NKAIN2: variants seen among roughly 807,000 people sequenced by gnomAD.
NKAIN2 encodes the protein sodium/potassium transporting ATPase interacting 2, also known as sodium/potassium-transporting ATPase subunit beta-1-interacting protein 2.
NKAIN2 carries 14 observed loss-of-function variants against 32.6 expected under a neutral mutation model. That is an observed-to-expected ratio of 0.43 (90% CI 0.28 to 0.67). NKAIN2 has a LOEUF of 0.67. Among genes scored for constraint, NKAIN2 ranks in the 30% least tolerant of loss-of-function variants. NKAIN2 has a pLI of 0.17. For missense variants in NKAIN2, 198 were observed against 258.3 expected, an observed-to-expected ratio of 0.77 and a Z score of 1.60; for synonymous variants, 80 against 87.2, an observed-to-expected ratio of 0.92 and a Z score of 0.46.
intron 1 of NKAIN2, among the ~76,000 whole-genome samples, chr6:124,281,262 A>G (rs1158062332): frequency 2.6e-5 from 4 of 152,206 alleles, no homozygotes; most frequent in African/African-American, 7.2e-5. Flanking sequence ...AGAGGGTTCT[A>G]TGTTGAAATG....
intron 1 of NKAIN2, among the ~76,000 whole-genome samples, chr6:124,204,443 T>C (rs577721128): frequency 1.6e-3 from 241 of 151,752 alleles, no homozygotes; most frequent in African/African-American, 5.5e-3. Context: ...GACAAAAAAA[T>C]ATGAAAAAAT....
chr6:124,035,409 C>A (rs1330347148), intron 1 of NKAIN2, among the ~76,000 whole-genome samples: 1 of 152,068 alleles, frequency 6.6e-6, no homozygotes, highest in African/African-American at 2.4e-5. Context: ...AATTAAACTT[C>A]TAAAATAAAA....
At chr6:124,233,703 G>T (rs759935829) in intron 1 of NKAIN2, among the ~76,000 whole-genome samples, 3 of 152,092 alleles carry the variant, frequency 2.0e-5, no homozygotes, top group Non-Finnish European at 4.4e-5. Context: ...TGTAATATGT[G>T]ACTCATTTTT....
At chr6:124,498,676 C>A (rs1237839816) in intron 3 of NKAIN2, among the ~76,000 whole-genome samples, 1 of 152,038 alleles carries the variant, frequency 6.6e-6, no homozygotes, top group Non-Finnish European at 1.5e-5. Flanking sequence ...AATGTGTCTT[C>A]TTGGTGAAAG....
chr6:124,023,699 A>G (rs564518317), intron 1 of NKAIN2, among the ~76,000 whole-genome samples: 1 of 152,254 alleles, frequency 6.6e-6, no homozygotes, highest in South Asian at 2.1e-4. Flanking sequence ...TTTTCTCGTT[A>G]CCTGTGCTAA....
intron 3 of NKAIN2, among the ~76,000 whole-genome samples, chr6:124,436,875 T>C (rs1775469183): frequency 6.6e-6 from 1 of 152,168 alleles, no homozygotes; most frequent in Non-Finnish European, 1.5e-5. Flanking sequence ...AGTAAAAGTC[T>C]GCAATGACTA....
chr6:124,194,370 C>G (rs1249065318), intron 1 of NKAIN2, among the ~76,000 whole-genome samples: 1 of 152,026 alleles, frequency 6.6e-6, no homozygotes, highest in Non-Finnish European at 1.5e-5. Context: ...ATCTTCCTTT[C>G]AACATATCTG....
chr6:124,017,361 G>A (rs909731170), intron 1 of NKAIN2, among the ~76,000 whole-genome samples: 1 of 152,016 alleles, frequency 6.6e-6, no homozygotes, highest in African/African-American at 2.4e-5. Context: ...TTCCTCTTGT[G>A]GCCCCACCCA....
intron 1 of NKAIN2, among the ~76,000 whole-genome samples, chr6:124,266,757 A>G (rs375717804): frequency 1.1e-4 from 17 of 152,242 alleles, no homozygotes; most frequent in African/African-American, 3.4e-4. Context: ...ACAAGAGAGT[A>G]TGGGCTTCAG....
chr6:124,716,979 T>G (rs2114621285), intron 4 of NKAIN2, among the ~76,000 whole-genome samples: 1 of 152,196 alleles, frequency 6.6e-6, no homozygotes, highest in East Asian at 1.9e-4. Flanking sequence ...GTCGAAAGAG[T>G]CAATGAATGA....
At chr6:124,538,659 C>T (rs1374156718) in intron 3 of NKAIN2, among the ~76,000 whole-genome samples, 1 of 152,120 alleles carries the variant, frequency 6.6e-6, no homozygotes, top group African/African-American at 2.4e-5. Context: ...TGAGAACTCA[C>T]TGTTTTATCT....
At chr6:124,552,432 A>G (rs1780323133) in intron 3 of NKAIN2, among the ~76,000 whole-genome samples, 1 of 152,214 alleles carries the variant, frequency 6.6e-6, no homozygotes, top group African/African-American at 2.4e-5. Context: ...CATATCCTTT[A>G]TAATCCAGTA....
At chr6:124,369,021 G>A (rs1249529696) in intron 3 of NKAIN2, among the ~76,000 whole-genome samples, 4 of 152,106 alleles carry the variant, frequency 2.6e-5, no homozygotes, top group Non-Finnish European at 5.9e-5. Flanking sequence ...TCTCTTTGAA[G>A]CAATGAGGAT....
intron 3 of NKAIN2, among the ~76,000 whole-genome samples, chr6:124,435,225 G>T (rs543128935): frequency 6.6e-6 from 1 of 152,186 alleles, no homozygotes; most frequent in African/African-American, 2.4e-5. Context: ...ACAAGAAATA[G>T]CTAGAATGTT....
intron 1 of NKAIN2, among the ~76,000 whole-genome samples, chr6:123,984,785 T>C (rs1301264768): frequency 6.6e-6 from 1 of 152,192 alleles, no homozygotes; most frequent in Non-Finnish European, 1.5e-5. Flanking sequence ...GATGAATCAC[T>C]TTGGTCATTA....
intron 4 of NKAIN2, among the ~76,000 whole-genome samples, chr6:124,710,678 G>A (rs1194410123): frequency 6.7e-6 from 1 of 148,612 alleles, no homozygotes; most frequent in Non-Finnish European, 1.5e-5. Context: ...TTTTCCATTT[G>A]CTTGGTAGAT....
chr6:124,695,105 T>G (rs1774436480), intron 4 of NKAIN2, among the ~76,000 whole-genome samples: 1 of 152,038 alleles, frequency 6.6e-6, no homozygotes, highest in South Asian at 2.1e-4. Flanking sequence ...TGTTCTTTGC[T>G]TCTTTTAATG....
intron 1 of NKAIN2, among the ~76,000 whole-genome samples, chr6:124,143,484 TCAA>T (rs142611768): frequency 0.13 from 20,274 of 152,006 alleles, 1,706 homozygotes; most frequent in Middle Eastern, 0.25. Context: ...GAAAAAAGTA[TCAA>T]CAACAACTGC....
chr6:124,390,843 G>C (rs1773109509), intron 3 of NKAIN2: 1 of 152,156 alleles, frequency 6.6e-6, no homozygotes, highest in Admixed American at 6.6e-5. Context: ...AAGGGACAAG[G>C]CTGGCCCTGC....
Sources: allele counts gnomAD v4.1 joint callset (sites outside exome capture counted in the v4.1 genomes callset), GRCh38; gene constraint gnomAD v4.1.1; transcripts MANE v1.5; gene names NCBI Gene and HGNC (gene_info 2026-07-23, HGNC 2026-07-21).